ZNF354C: variants seen among roughly 807,000 people sequenced by gnomAD.
ZNF354C encodes the protein KRAB-zinc finger protein synten.
ZNF354C carries 7 observed loss-of-function variants against 12.4 expected under a neutral mutation model. The ratio of observed to expected loss-of-function variants is 0.56; its 90% CI spans 0.32 to 1.06. The LOEUF (loss-of-function observed/expected upper bound fraction) is 1.06. Ranked by LOEUF, ZNF354C falls within the 50% of genes least tolerant of loss-of-function variation. The pLI, the probability that ZNF354C is intolerant of heterozygous loss-of-function variation, is 0.04. For synonymous variants in ZNF354C, 202 were observed against 224.5 expected, an observed-to-expected ratio of 0.90 and a Z score of 0.90; for missense variants, 609 against 658.0, an observed-to-expected ratio of 0.93 and a Z score of 0.81.
intron 2 of ZNF354C, among the ~76,000 whole-genome samples, chr5:179,066,850 C>A (rs1305561669): frequency 6.6e-6 from 1 of 151,426 alleles, no homozygotes; most frequent in East Asian, 1.9e-4. Flanking sequence ...TCCTGCTTGG[C>A]CTTCTCTGAC....
chr5:179,061,905 C>T (rs547273208), intron 1 of ZNF354C, 110 bp from the exon 2 acceptor site: 12 of 750,114 alleles, frequency 1.6e-5, no homozygotes, highest in East Asian at 9.9e-5. Flanking sequence ...TACATCATTA[C>T]GGGGGGTGGC....
intron 2 of ZNF354C, among the ~76,000 whole-genome samples, chr5:179,071,287 G>A (rs906068999): frequency 6.6e-6 from 1 of 151,570 alleles, no homozygotes; most frequent in Non-Finnish European, 1.5e-5. Flanking sequence ...TGAGATGATT[G>A]ATAAGATGTG....
At chr5:179,064,090 G>A (rs111939914) in intron 2 of ZNF354C, among the ~76,000 whole-genome samples, 16 of 152,280 alleles carry the variant, frequency 1.1e-4, no homozygotes, top group African/African-American at 3.6e-4. Context: ...ATCTGAGCTC[G>A]CCTACATCCA....
intron 2 of ZNF354C, 55 bp downstream of exon 2, chr5:179,062,150 G>A (rs1761902342): frequency 3.1e-6 from 5 of 1,605,324 alleles, no homozygotes; most frequent in Non-Finnish European, 4.3e-6. Context: ...ATTCAGAGAT[G>A]GTAGACATGT....
intron 2 of ZNF354C, among the ~76,000 whole-genome samples, chr5:179,067,995 A>G (rs1352016843): frequency 6.6e-6 from 1 of 152,156 alleles, no homozygotes; most frequent in Admixed American, 6.5e-5. Flanking sequence ...CCCTGGCTCT[A>G]CAGAAAAACA....
Position 179,083,596 on chromosome 5 carries a change from T to G in ZNF354C, c.*3499T>G, listed in dbSNP as rs1193893354. Reference sequence around the variant, plus strand: ...CATTTATATTCTTAGGAAGTTCCTGTTTGAGAGTTTATCCTCCAGGGATGT... The same window carrying G: ...CATTTATATTCTTAGGAAGTTCCTGGTTGAGAGTTTATCCTCCAGGGATGT... On this transcript the variant is annotated 3_prime_UTR_variant, in exon 5 of 5. Transcript: ENST00000315475. 1 of 152,252 alleles carries G rather than the reference T, an allele frequency of 6.6e-6. No homozygotes were observed. Among genetic ancestry groups the G allele is most frequent in the Non-Finnish European group, 1.5e-5 (1 of 68,058 alleles). The allele number at this position is 152,252 out of a possible 1,614,324, so 9.4% of individuals were successfully genotyped here.
intron 2 of ZNF354C, among the ~76,000 whole-genome samples, chr5:179,064,426 T>C (rs1239785039): frequency 6.6e-6 from 1 of 150,812 alleles, no homozygotes; most frequent in Non-Finnish European, 1.5e-5. Context: ...TAACCCCCCT[T>C]TTTTTTTGGA....
Position 179,083,746 on chromosome 5 carries a change from G to A in ZNF354C, c.*3649G>A, listed in dbSNP as rs1374224781. Among the ~76,000 whole-genome samples, 2 of 152,190 alleles carry A rather than the reference G, an allele frequency of 1.3e-5. No homozygotes were observed. The highest frequency in any genetic ancestry group is 1.9e-4 in the East Asian group (1 of 5,206). The stretch of plus-strand genomic sequence containing the variant: ...AGCAGCTGTCTGGGGACCCTCAAAA[G>A]TAATGATTGATAACAACAGGCAGAT... On this transcript the variant is annotated 3_prime_UTR_variant, in exon 5 of 5. Coordinates refer to ENST00000315475, the MANE Select transcript of ZNF354C (RefSeq NM_014594.3).
chr5:179,082,909 C>T lies in ZNF354C; in HGVS notation c.*2812C>T, dbSNP rs368483174. ...TTGCCAGTGCGCTGATGAAGAATCA[C>T]GGAGAACTCCACCTCATCTCCTGCC... On this transcript the variant is annotated 3_prime_UTR_variant, in exon 5 of 5. Transcript: ENST00000315475. The T allele has an allele frequency of 2.4e-5, 24 of 980,966 alleles. No homozygotes were observed. Among genetic ancestry groups the T allele is most frequent in the East Asian group, 1.7e-4 (7 of 41,960 alleles). The allele number at this position is 980,966 out of a possible 1,614,324, so 60.8% of individuals were successfully genotyped here.
In ZNF354C at chr5:179,076,334, G is replaced by T. The variant is rs1032643225; in HGVS notation, c.28-111G>T. On this transcript the variant is annotated intron_variant, in intron 2 of 4. Transcript: ENST00000315475. Reference sequence around the variant, plus strand: ...TCCAAAAATTACGTAAACAGTTGACGTGAATTATTAGAATCCTGAGATTTT... The same window carrying T: ...TCCAAAAATTACGTAAACAGTTGACTTGAATTATTAGAATCCTGAGATTTT... The T allele has an allele frequency of 9.3e-6, 14 of 1,503,042 alleles. No homozygotes were observed. The South Asian group carries it at 1.7e-4, about 19-fold the overall frequency. The allele number at this position is 1,503,042 out of a possible 1,614,324, so 93.1% of individuals were successfully genotyped here. A position where few individuals can be genotyped will look rare whatever the true frequency, so the allele number is the denominator to read the frequency against.
chr5:179,075,649 A>G (rs1004835810), intron 2 of ZNF354C, among the ~76,000 whole-genome samples: 2 of 152,176 alleles, frequency 1.3e-5, no homozygotes, highest in Non-Finnish European at 1.5e-5. Context: ...TGCATGTGTC[A>G]TATATATGTA....
Position 179,079,803 on chromosome 5 carries a change from G to C in ZNF354C, c.1371G>C (p.Arg457Ser), listed in dbSNP as rs757946082. The change falls in exon 5 of 5, where the codon AGG becomes AGC. Residue 457 changes from arginine to serine, a missense_variant. By Grantham distance (110) the Arg-to-Ser change is moderately radical. Transcript: ENST00000315475. The surrounding 1 kb of genome is among the most constrained non-coding windows in gnomAD (Gnocchi z 4.2). The stretch of plus-strand genomic sequence containing the variant: ...TTGGTTGCAAATCTAACCTTTATAG[G>C]CATCAGAGAATTCATACTGGAGAGA... The part of the protein sequence containing the change: ...KAFGCKSNLY[R>S]HQRIHTGEKP... 2 of 1,609,520 alleles carry C rather than the reference G, an allele frequency of 1.2e-6. No homozygotes were observed. Among genetic ancestry groups the C allele is most frequent in the Non-Finnish European group, 1.7e-6 (2 of 1,178,506 alleles).
intron 2 of ZNF354C, among the ~76,000 whole-genome samples, chr5:179,065,005 AATT>A (rs2113107603): frequency 6.6e-6 from 1 of 152,268 alleles, no homozygotes; most frequent in South Asian, 2.1e-4. Flanking sequence ...ATAATTTGTT[AATT>A]ACATATTTTT....
Position 179,079,407 on chromosome 5 carries a change from G to A in ZNF354C, c.975G>A (p.Glu325=), listed in dbSNP as rs553030188. 13 of 1,613,932 alleles carry A rather than the reference G, an allele frequency of 8.1e-6. No homozygotes were observed. Among genetic ancestry groups the A allele is most frequent in the Non-Finnish European group, 1.0e-5 (12 of 1,180,034 alleles). Residue 325 remains glutamate (E), a synonymous_variant, in exon 5 of 5, where the codon GAG becomes GAA. Coordinates refer to ENST00000315475, the MANE Select transcript of ZNF354C (RefSeq NM_014594.3). This position sits in a 1 kb window ranked among gnomAD's most constrained non-coding sequence, Gnocchi z 4.2. ...LTVHQRIHTG[E]KLYKCGECEK... Reference sequence around the variant, plus strand: ...TACATCAGAGAATTCATACTGGAGAGAAACTCTATAAATGCGGCGAATGTG... The same window carrying A: ...TACATCAGAGAATTCATACTGGAGAAAAACTCTATAAATGCGGCGAATGTG...
Position 179,064,851 on chromosome 5 carries a change from C to T in ZNF354C, c.27+2756C>T, listed in dbSNP as rs529119510. Among the ~76,000 whole-genome samples the T allele has an allele frequency of 1.4e-4, 22 of 152,182 alleles. 1 individual carries two copies. In the South Asian group the frequency reaches 3.9e-3, roughly 27 times the overall value. ...ATTAAGGGTACCGAGGGAGAAATTTCTCTCTACTTGTTAGGAAAACTGCAA... is the reference window on the plus strand; with the variant it reads ...ATTAAGGGTACCGAGGGAGAAATTTTTCTCTACTTGTTAGGAAAACTGCAA... On this transcript the variant is annotated intron_variant, in intron 2 of 4. Coordinates refer to ENST00000315475, the MANE Select transcript of ZNF354C (RefSeq NM_014594.3).
intron 2 of ZNF354C, among the ~76,000 whole-genome samples, chr5:179,063,674 C>T (rs1435355307): frequency 2.0e-5 from 3 of 152,180 alleles, no homozygotes; most frequent in Non-Finnish European, 4.4e-5. Context: ...TTAATCCTTA[C>T]AAGAGGACTG....
At chr5:179,077,858 T>C (rs1762147696) in intron 4 of ZNF354C, among the ~76,000 whole-genome samples, 1 of 143,004 alleles carries the variant, frequency 7.0e-6, no homozygotes, top group African/African-American at 2.6e-5. Flanking sequence ...CAGGCCGGAG[T>C]GCAGTGGTGT....
Position 179,079,869 on chromosome 5 carries a change from G to C in ZNF354C, c.1437G>C (p.Gln479His). 1 of 1,613,912 alleles carries C rather than the reference G, an allele frequency of 6.2e-7. No individual in the cohort carries two copies. The highest frequency in any genetic ancestry group is 8.5e-7 in the Non-Finnish European group (1 of 1,179,948). ...QCNQCGKAFS[Q>H]YSFLTEHERI... ...ATCAGTGTGGAAAGGCCTTCAGCCA[G>C]TATTCATTTTTAACCGAACATGAGA... Residue 479 changes from glutamine (Q) to histidine (H), a missense_variant, in exon 5 of 5, where the codon CAG becomes CAC. Coordinates refer to ENST00000315475, the MANE Select transcript of ZNF354C (RefSeq NM_014594.3). The surrounding 1 kb of genome is among the most constrained non-coding windows in gnomAD (Gnocchi z 4.2).
In ZNF354C at chr5:179,079,032, T is replaced by G. The variant is rs756189969; in HGVS notation, c.600T>G (p.Asn200Lys). ...YYTFGKDFKQ[N>K]FDLMKCFQIY... is the part of the protein sequence containing the mutation. ...CATTTGGGAAAGATTTTAAACAGAA[T>G]TTTGATCTCATGAAATGCTTCCAGA... The change falls in exon 5 of 5, where the codon AAT (asparagine) becomes AAG (lysine). Residue 200 changes from asparagine to lysine, a missense_variant. By Grantham distance (94) the Asn-to-Lys change is moderately conservative (BLOSUM62 0). Transcript: ENST00000315475. This position sits in a 1 kb window ranked among gnomAD's most constrained non-coding sequence, Gnocchi z 4.2. 2.5e-6 allele frequency: 4 copies of G among 1,613,014 alleles called. No individual in the cohort carries two copies. The East Asian group carries it at 6.7e-5, about 27-fold the overall frequency.
Sources: gnomAD v4.1 joint callset for allele counts (sites outside exome capture counted in the v4.1 genomes callset) on GRCh38, gnomAD v4.1.1 for gene constraint, Gnocchi (gnomAD v3.1) non-coding constraint, MANE v1.5 for transcripts, NCBI Gene and HGNC (gene_info 2026-07-23, HGNC 2026-07-21) for gene names.